Variants in ACYP2 observed in about 807,000 individuals in gnomAD.
ACYP2 encodes acylphosphatase-2.
ACYP2 carries 12 observed loss-of-function variants against 11.2 expected under a neutral mutation model. That is an observed-to-expected ratio of 1.08 (90% CI 0.69 to 1.74). ACYP2 has a LOEUF of 1.74. Among genes scored for constraint, ACYP2 ranks in the 40% most tolerant of loss-of-function variants. The pLI is 0.00. For missense variants in ACYP2, 134 were observed against 101.9 expected, an observed-to-expected ratio of 1.31 and a Z score of -1.35; for synonymous variants, 43 against 32.2, an observed-to-expected ratio of 1.33 and a Z score of -1.13.
At chr2:54,036,286 G>C (rs1674897213) in intron 2 of ACYP2, among the ~76,000 whole-genome samples, 1 of 152,136 alleles carries the variant, frequency 6.6e-6, no homozygotes, top group Non-Finnish European at 1.5e-5. Flanking sequence ...GTAGAGACGG[G>C]GTTTCACCAT....
At chr2:54,148,594 G>C (rs983769089) in intron 6 of ACYP2, among the ~76,000 whole-genome samples, 1 of 152,156 alleles carries the variant, frequency 6.6e-6, no homozygotes, top group Non-Finnish European at 1.5e-5. Context: ...TCCCTGCAGA[G>C]AAATTGGGCT....
At chr2:54,255,764 C>G in intron 6 of ACYP2, 2 of 1,613,938 alleles carry the variant, frequency 1.2e-6, no homozygotes, top group Non-Finnish European at 1.7e-6. Flanking sequence ...CCACAGGTTT[C>G]TAGAGCCTTC....
chr2:54,021,364 T>C (rs563477147), intron 2 of ACYP2, among the ~76,000 whole-genome samples: 1 of 152,298 alleles, frequency 6.6e-6, no homozygotes, highest in African/African-American at 2.4e-5. Flanking sequence ...AGTTAAACTT[T>C]AAAATGGAGA....
In ACYP2 at chr2:54,060,351, A is replaced by G. The variant is rs145114532; in HGVS notation, c.277+2991A>G. Among the ~76,000 whole-genome samples, 11 of 151,898 alleles carry G rather than the reference A, an allele frequency of 7.2e-5. No homozygotes were observed. In the East Asian group the frequency reaches 2.1e-3, roughly 29 times the overall value. On this transcript the variant is annotated intron_variant, in intron 4 of 6. Transcript: ENST00000607452. Reference sequence around the variant, plus strand: ...TATTGACTTTTTTTGTTTCATGGCCATATTTTTAATTTCTATAAACTTATT... The same window carrying G: ...TATTGACTTTTTTTGTTTCATGGCCGTATTTTTAATTTCTATAAACTTATT...
At chr2:53,980,192 A>G (rs1261489538) in intron 2 of ACYP2, among the ~76,000 whole-genome samples, 3 of 151,966 alleles carry the variant, frequency 2.0e-5, no homozygotes, top group Non-Finnish European at 2.9e-5. Context: ...ATCTCTACAA[A>G]AAATTTAAAA....
At chr2:54,133,262 A>C (rs144240820) in intron 4 of ACYP2, among the ~76,000 whole-genome samples, 20 of 152,326 alleles carry the variant, frequency 1.3e-4, no homozygotes, top group African/African-American at 4.8e-4. Flanking sequence ...CTTACTTAGC[A>C]TAATGCATTT....
At chr2:54,272,457 T>C (rs1259032155) in intron 6 of ACYP2, among the ~76,000 whole-genome samples, 1 of 82,950 alleles carries the variant, frequency 1.2e-5, no homozygotes, top group African/African-American at 4.9e-5. Context: ...TTCTAGGTCA[T>C]AGTAAGTCTA....
At position 54,249,493 on chromosome 2, in the gene ACYP2, G is replaced by A. The variant is rs1041590580; in HGVS notation, c.405-55195G>A. On this transcript the variant is annotated intron_variant, in intron 6 of 6. Transcript: ENST00000607452. ...GTGATGGCTCTAGTTTACATTCTCC[G>A]TCATTTACATGCTCTGGCCATGGCA... 9.9e-5 allele frequency among the ~76,000 whole-genome samples: 15 copies of A among 151,434 alleles called. 1 individual carries two copies. The highest frequency in any genetic ancestry group is 3.9e-4 in the East Asian group (2 of 5,156).
chr2:54,069,299 T>A (rs1558506427), intron 4 of ACYP2, among the ~76,000 whole-genome samples: 1 of 152,102 alleles, frequency 6.6e-6, no homozygotes, highest in South Asian at 2.1e-4. Context: ...TATATGGGGA[T>A]AATTTGCCTG....
At chr2:54,202,692 G>A (rs1417940180) in intron 6 of ACYP2, among the ~76,000 whole-genome samples, 3 of 131,588 alleles carry the variant, frequency 2.3e-5, no homozygotes, top group African/African-American at 8.5e-5. Context: ...ACAGGTGTGA[G>A]CCACGGCGCC....
intron 2 of ACYP2, among the ~76,000 whole-genome samples, chr2:53,988,349 G>T (rs1047789243): frequency 6.6e-6 from 1 of 152,008 alleles, no homozygotes; most frequent in East Asian, 1.9e-4. Context: ...ATGACATTTA[G>T]GTCAAGGTTT....
chr2:53,979,543 C>G (rs1272584550), intron 2 of ACYP2, among the ~76,000 whole-genome samples: 1 of 151,530 alleles, frequency 6.6e-6, no homozygotes, highest in Non-Finnish European at 1.5e-5. Context: ...AGGAGAATCA[C>G]TTGAACTCGG....
At chr2:53,982,128 C>G (rs549138395) in intron 2 of ACYP2, among the ~76,000 whole-genome samples, 1 of 151,866 alleles carries the variant, frequency 6.6e-6, no homozygotes, top group Non-Finnish European at 1.5e-5. Context: ...ACAAAGAGGA[C>G]GTACACTCTT....
chr2:54,012,221 G>A (rs1436996781), intron 2 of ACYP2, among the ~76,000 whole-genome samples: 1 of 150,720 alleles, frequency 6.6e-6, no homozygotes, highest in East Asian at 2.0e-4. Flanking sequence ...GGGCAACAGA[G>A]CGAGACTCCG....
chr2:54,289,838 A>G (rs1370382245), intron 6 of ACYP2, among the ~76,000 whole-genome samples: 1 of 151,954 alleles, frequency 6.6e-6, no homozygotes, highest in Non-Finnish European at 1.5e-5. Flanking sequence ...GGGCTTCATT[A>G]TTTTTGATTC....
At chr2:54,092,249 G>A (rs1264763484) in intron 4 of ACYP2, among the ~76,000 whole-genome samples, 3 of 152,208 alleles carry the variant, frequency 2.0e-5, no homozygotes, top group Non-Finnish European at 4.4e-5. Context: ...TTACAAGTGG[G>A]TTATGAAAGA....
intron 4 of ACYP2, among the ~76,000 whole-genome samples, chr2:54,120,915 C>T (rs964049942): frequency 2.0e-5 from 3 of 152,180 alleles, no homozygotes; most frequent in Non-Finnish European, 4.4e-5. Context: ...GAAAGTGTTA[C>T]ACTGTCGTTC....
intron 4 of ACYP2, among the ~76,000 whole-genome samples, chr2:54,093,811 G>T (rs538015142): frequency 6.6e-6 from 1 of 152,080 alleles, no homozygotes. Context: ...GTGGTCGTGG[G>T]CGCCTGTAGT....
chr2:54,049,067 C>G (rs903566181), intron 2 of ACYP2, among the ~76,000 whole-genome samples: 4 of 152,082 alleles, frequency 2.6e-5, no homozygotes, highest in Admixed American at 2.0e-4. Context: ...TTGAGGCCAG[C>G]CTGGGAAACG....
Sources: allele counts gnomAD v4.1 joint callset (sites outside exome capture counted in the v4.1 genomes callset), GRCh38; gene constraint gnomAD v4.1.1; transcripts MANE v1.5; gene names NCBI Gene and HGNC (gene_info 2026-07-23, HGNC 2026-07-21).